TRHDE: variants seen among roughly 807,000 people sequenced by gnomAD.
TRHDE encodes thyrotropin releasing hormone degrading enzyme.
In TRHDE, 72 loss-of-function variants were observed where a neutral mutation model predicts 125.7. The observed-to-expected ratio is 0.57, with a 90% confidence interval of 0.47 to 0.70. The LOEUF (loss-of-function observed/expected upper bound fraction) is 0.70, where lower values mean the gene tolerates loss of function less well. Ranked by LOEUF, TRHDE falls within the 30% of genes least tolerant of loss-of-function variation. The pLI, the probability that TRHDE is intolerant of heterozygous loss-of-function variation, is 0.00. For synonymous variants in TRHDE, 509 were observed against 509.1 expected (o/e 1.00, Z 0.00); for missense variants, 1,110 against 1,327.1 (o/e 0.84, Z 2.54).
chr12:72,394,159 TAA>T (rs1215503158), intron 3 of TRHDE, among the ~76,000 whole-genome samples: 3 of 152,198 alleles, frequency 2.0e-5, no homozygotes, highest in Non-Finnish European at 4.4e-5. Flanking sequence ...TTAAGTTTGT[TAA>T]GTCACCAGAG....
chr12:72,617,454 G>A (rs192782), intron 12 of TRHDE, among the ~76,000 whole-genome samples: 2 of 152,102 alleles, frequency 1.3e-5, no homozygotes, highest in Admixed American at 1.3e-4. Flanking sequence ...TTTTAACGAA[G>A]ATGAAAAAGT....
At chr12:72,097,440 ATTTTTTTTT>A (rs869290442) in intron 1 of TRHDE, among the ~76,000 whole-genome samples, 4 of 21,640 alleles carry the variant, frequency 1.8e-4, no homozygotes, top group Admixed American at 5.9e-4. Flanking sequence ...TTCTCACTGA[ATTTTTTTTT>A]TTTTTTTTTT....
At chr12:72,170,958 G>A (rs1033597927) in intron 2 of TRHDE, among the ~76,000 whole-genome samples, 2 of 152,102 alleles carry the variant, frequency 1.3e-5, no homozygotes, top group East Asian at 3.9e-4. Context: ...GAGCTTCTGG[G>A]TAATGGGAAA....
chr12:72,343,640 A>G (rs74104821), intron 2 of TRHDE, among the ~76,000 whole-genome samples: 12,324 of 152,102 alleles, frequency 0.081, 658 homozygotes, highest in African/African-American at 0.16. Flanking sequence ...TTTCAGTGTT[A>G]TTTGTTTTAA....
intron 2 of TRHDE, among the ~76,000 whole-genome samples, chr12:72,107,521 T>C (rs1172692392): frequency 6.6e-6 from 1 of 152,146 alleles, no homozygotes; most frequent in African/African-American, 2.4e-5. Context: ...TGATTGGATG[T>C]AGGTAATTAG....
At chr12:72,278,417 A>C (rs866276484) in intron 1 of TRHDE, among the ~76,000 whole-genome samples, 1 of 152,164 alleles carries the variant, frequency 6.6e-6, no homozygotes, top group Non-Finnish European at 1.5e-5. Flanking sequence ...TATCTCCTCA[A>C]CATGATGATT....
intron 18 of TRHDE, among the ~76,000 whole-genome samples, 178 bp from the exon 19 acceptor site, chr12:72,662,874 A>G (rs1046034182): frequency 4.0e-5 from 6 of 150,398 alleles, no homozygotes; most frequent in African/African-American, 1.3e-4. Context: ...AATCTGTCAT[A>G]TTTCATTCAG....
intron 2 of TRHDE, among the ~76,000 whole-genome samples, chr12:72,226,094 G>A (rs918488929): frequency 6.6e-6 from 1 of 152,216 alleles, no homozygotes; most frequent in Non-Finnish European, 1.5e-5. Context: ...CTTTGGGTGT[G>A]CATAGGCATG....
chr12:72,304,837 A>G (rs1868316385), intron 2 of TRHDE, among the ~76,000 whole-genome samples: 1 of 152,170 alleles, frequency 6.6e-6, no homozygotes, highest in Non-Finnish European at 1.5e-5. Flanking sequence ...TCTCCAGGCT[A>G]TGATTGACTT....
intron 2 of TRHDE, among the ~76,000 whole-genome samples, chr12:72,261,296 T>C (rs552344889): frequency 1.7e-3 from 259 of 152,314 alleles, no homozygotes; most frequent in Non-Finnish European, 2.0e-3. Context: ...TTAGTGTTCA[T>C]TAACTCTACA....
chr12:72,295,348 G>A (rs2135678998), intron 2 of TRHDE, among the ~76,000 whole-genome samples: 1 of 152,256 alleles, frequency 6.6e-6, no homozygotes, highest in East Asian at 1.9e-4. Flanking sequence ...CCCTGATGCA[G>A]CCAGTGTGAT....
At chr12:72,427,922 G>T (rs1737709564) in intron 3 of TRHDE, among the ~76,000 whole-genome samples, 1 of 152,142 alleles carries the variant, frequency 6.6e-6, no homozygotes, top group African/African-American at 2.4e-5. Context: ...TGGACAACGT[G>T]AGGAAAACTC....
intron 2 of TRHDE, among the ~76,000 whole-genome samples, chr12:72,222,985 G>T (rs2628430): frequency 0.76 from 115,916 of 151,972 alleles, 44,495 homozygotes; most frequent in Non-Finnish European, 0.79. Context: ...ATCAAAGGGT[G>T]GCTGATAACC....
At chr12:72,443,672 T>C (rs1370614117) in intron 3 of TRHDE, among the ~76,000 whole-genome samples, 3 of 151,754 alleles carry the variant, frequency 2.0e-5, no homozygotes, top group Non-Finnish European at 4.4e-5. Context: ...TAATGTATTG[T>C]GACAATATGG....
chr12:72,595,150 T>C (rs1316644487), intron 12 of TRHDE, among the ~76,000 whole-genome samples: 4 of 145,482 alleles, frequency 2.7e-5, no homozygotes, highest in South Asian at 4.7e-4. Context: ...CATTAGGAGA[T>C]ATACCTAATG....
intron 2 of TRHDE, among the ~76,000 whole-genome samples, chr12:72,227,214 A>ATAAT (rs1437964501): frequency 6.6e-6 from 1 of 152,224 alleles, no homozygotes; most frequent in African/African-American, 2.4e-5. Context: ...CATGCTGCTA[A>ATAAT]TAAAGACATA....
At chr12:72,267,415 G>T (rs746297073), upstream of TRHDE, among the ~76,000 whole-genome samples, 14 of 151,996 alleles carry the variant, frequency 9.2e-5, no homozygotes, top group Admixed American at 2.6e-4. Flanking sequence ...GAATTATTTG[G>T]TCATTCTTTT....
chr12:72,235,069 T>C (rs1489619704), intron 2 of TRHDE, among the ~76,000 whole-genome samples: 1 of 152,158 alleles, frequency 6.6e-6, no homozygotes, highest in Non-Finnish European at 1.5e-5. Flanking sequence ...GTCATCTGAC[T>C]CATCAGAAGA....
intron 15 of TRHDE, among the ~76,000 whole-genome samples, chr12:72,641,310 GAATTT>G (rs1191855917): frequency 6.6e-6 from 1 of 151,990 alleles, no homozygotes; most frequent in Non-Finnish European, 1.5e-5. Flanking sequence ...AACAGTAACA[GAATTT>G]ATTTTTACAA....
Sources: allele counts gnomAD v4.1 joint callset (sites outside exome capture counted in the v4.1 genomes callset), GRCh38; gene constraint gnomAD v4.1.1; transcripts MANE v1.5; gene names NCBI Gene and HGNC (gene_info 2026-07-23, HGNC 2026-07-21).